DNAH6: variants seen among roughly 807,000 people sequenced by gnomAD.
DNAH6 encodes the protein axonemal beta dynein heavy chain 6.
Under a neutral mutation model 491.4 loss-of-function variants are expected in DNAH6, and 340 were observed. The observed-to-expected ratio is 0.69, with a 90% CI of 0.63 to 0.76. The LOEUF (loss-of-function observed/expected upper bound fraction) is 0.76. Among genes scored for constraint, DNAH6 ranks in the 30% least tolerant of loss-of-function variants. DNAH6 has a pLI of 0.00. For synonymous variants in DNAH6, 1,603 were observed against 1,686.1 expected, an observed-to-expected ratio of 0.95 and a Z score of 1.21; for missense variants, 4,443 against 4,972.2, an observed-to-expected ratio of 0.89 and a Z score of 3.20.
chr2:84,812,445 G>T lies in DNAH6; in HGVS notation c.11844G>T (p.Leu3948=), dbSNP rs1473774684. Residue 3948 remains leucine (L), a synonymous_variant, in exon 73 of 77, where the codon CTG becomes CTT. Coordinates refer to ENST00000389394, the MANE Select transcript of DNAH6 (RefSeq NM_001370.2). ...TCCTCAACAACCAGGTTCCCGCTCTGTGGTCCAACACAGCCTACCCATCCC... is the reference window on the plus strand; with the variant it reads ...TCCTCAACAACCAGGTTCCCGCTCTTTGGTCCAACACAGCCTACCCATCCC... The part of the protein sequence containing the change: ...NSFLNNQVPA[L]WSNTAYPSLK... The T allele has an allele frequency of 6.4e-7, 1 of 1,551,618 alleles. No homozygotes were observed. The highest frequency in any genetic ancestry group is 2.4e-5 in the East Asian group (1 of 40,942).
Position 84,709,352 on chromosome 2 carries a change from T to C in DNAH6, c.9058T>C (p.Cys3020Arg). Reference sequence around the variant, plus strand: ...TTTCCCCCTTCTACAGCTTATAGAGTGTTGGATCCAGGACTGTCAGTCTCT... The same window carrying C: ...TTTCCCCCTTCTACAGCTTATAGAGCGTTGGATCCAGGACTGTCAGTCTCT... Reference protein sequence around the residue: ...TAQYRQSLIECWIQDCQSLEI... With the variant: ...TAQYRQSLIERWIQDCQSLEI... Residue 3020 changes from cysteine to arginine, a missense_variant, in exon 55 of 77, where the codon TGT (cysteine) becomes CGT (arginine). By Grantham distance (180) the Cys-to-Arg change is radical (BLOSUM62 -3). Around this residue, in one of 3 missense-constraint regions of DNAH6, gnomAD observed 1,463 missense variants for 1,656.6 expected, o/e 0.88. Coordinates refer to ENST00000389394, the MANE Select transcript of DNAH6 (RefSeq NM_001370.2). The C allele has an allele frequency of 6.4e-7, 1 of 1,551,598 alleles. No homozygotes were observed. Among genetic ancestry groups the C allele is most frequent in the Non-Finnish European group, 8.7e-7 (1 of 1,146,982 alleles).
intron 4 of DNAH6, among the ~76,000 whole-genome samples, chr2:84,542,394 C>T (rs573467149): frequency 6.6e-6 from 1 of 152,252 alleles, no homozygotes; most frequent in South Asian, 2.1e-4. Flanking sequence ...AAATGTATTC[C>T]ATATTCCTCA....
At chr2:84,650,020 T>C (rs934064770) in intron 33 of DNAH6, among the ~76,000 whole-genome samples, 2 of 152,302 alleles carry the variant, frequency 1.3e-5, no homozygotes, top group South Asian at 2.1e-4. Context: ...TGTGTTTTTT[T>C]CCCTGTTCAT....
rs1392173000 is a variant in DNAH6 at position 84,704,309 on chromosome 2, A to G, written c.8465+7A>G. ...CCATTCTTTTGAATGCCAAGTGAGT[A>G]ATTCAGAGTCATGTATTGCCATGAT... On this transcript the variant is annotated splice_region_variant and intron_variant, in intron 51 of 76. Coordinates refer to ENST00000389394, the MANE Select transcript of DNAH6 (RefSeq NM_001370.2). 2.6e-6 allele frequency: 4 copies of G among 1,537,960 alleles called. No homozygotes were observed. Among genetic ancestry groups the G allele is most frequent in the Non-Finnish European group, 3.5e-6 (4 of 1,134,750 alleles).
In DNAH6 at chr2:84,619,556, A is replaced by G. The variant is rs866781268; in HGVS notation, c.3573-129A>G. 8.4e-5 allele frequency: 65 copies of G among 771,666 alleles called. No individual in the cohort carries two copies. The South Asian group carries it at 1.1e-3, about 13-fold the overall frequency. 47.8% of individuals were successfully genotyped at this position (771,666 alleles called of 1,614,324 possible). On this transcript the variant is annotated intron_variant, in intron 23 of 76. Coordinates refer to ENST00000389394, the MANE Select transcript of DNAH6 (RefSeq NM_001370.2). Reference sequence around the variant, plus strand: ...TATGTGGCTTCCCCAGAAACCCATGACCAGTATAATTGGAGGTCCAGGAAA... The same window carrying G: ...TATGTGGCTTCCCCAGAAACCCATGGCCAGTATAATTGGAGGTCCAGGAAA...
chr2:84,753,826 A>C (rs1339531409), intron 63 of DNAH6, among the ~76,000 whole-genome samples: 1 of 144,104 alleles, frequency 6.9e-6, no homozygotes, highest in Non-Finnish European at 1.5e-5. Context: ...ATTTTGAGTT[A>C]ATTTTTTTTT....
At position 84,524,211 on chromosome 2, in the gene DNAH6, T is replaced by C. The variant is rs1434567263; in HGVS notation, c.226-1354T>C. On this transcript the variant is annotated intron_variant, in intron 2 of 76. Coordinates refer to ENST00000389394, the MANE Select transcript of DNAH6 (RefSeq NM_001370.2). ...CCATTATGTAATGCCCTTTTTTGTC[T>C]TTTTTTTTTTTAATTTTTGCTGGTT... 6.4e-5 allele frequency among the ~76,000 whole-genome samples: 9 copies of C among 139,898 alleles called. No individual in the cohort carries two copies. The East Asian group carries it at 1.8e-3, about 28-fold the overall frequency. 91.8% of individuals were successfully genotyped at this position (139,898 alleles called of 152,430 possible). A position where few individuals can be genotyped will look rare whatever the true frequency, so the allele number is the denominator to read the frequency against.
intron 64 of DNAH6, chr2:84,777,951 C>T: frequency 2.0e-6 from 2 of 986,380 alleles, no homozygotes; most frequent in Non-Finnish European, 3.3e-6. Flanking sequence ...CCCTCTTGCT[C>T]ACATGCCCAA....
intron 14 of DNAH6, among the ~76,000 whole-genome samples, chr2:84,583,462 T>C (rs913878886): frequency 2.0e-5 from 3 of 152,262 alleles, no homozygotes; most frequent in African/African-American, 7.2e-5. Flanking sequence ...ACCTGTATTA[T>C]AGCAATGACT....
chr2:84,729,849 C>T (rs561615912), intron 61 of DNAH6, among the ~76,000 whole-genome samples: 8 of 152,158 alleles, frequency 5.3e-5, no homozygotes, highest in African/African-American at 9.6e-5. Flanking sequence ...CTATTTTTAT[C>T]GTAAGTACTA....
chr2:84,650,959 T>C (rs1164624972), intron 33 of DNAH6, among the ~76,000 whole-genome samples: 2 of 152,290 alleles, frequency 1.3e-5, no homozygotes, highest in African/African-American at 2.4e-5. Context: ...GAAATGCAAC[T>C]TTGTTACTGC....
At position 84,745,264 on chromosome 2, in the gene DNAH6, T is replaced by A. The variant is rs1190832600; in HGVS notation, c.10512+15T>A. 1.7e-5 allele frequency: 25 copies of A among 1,451,422 alleles called. No homozygotes were observed. Among genetic ancestry groups the A allele is most frequent in the Admixed American group, 2.7e-5 (1 of 36,774 alleles). The allele number at this position is 1,451,422 out of a possible 1,614,324, so 89.9% of individuals were successfully genotyped here. A position where few individuals can be genotyped will look rare whatever the true frequency, so the allele number is the denominator to read the frequency against. On this transcript the variant is annotated intron_variant, in intron 63 of 76. Transcript: ENST00000389394. ...AAGAAGAAAAGGTAGGGCATTTTTT[T>A]AATTAAAGGACTGTGTTACAATTAT...
chr2:84,528,807 C>T (rs1322802027), intron 3 of DNAH6, 97 bp from the exon 4 acceptor site: 7 of 1,198,666 alleles, frequency 5.8e-6, no homozygotes, highest in Non-Finnish European at 8.0e-6. Context: ...ACATCTCATG[C>T]AATATGGCAA....
the DNAH6 span, among the ~76,000 whole-genome samples, chr2:84,486,491 A>G: frequency 6.6e-6 from 1 of 152,146 alleles, no homozygotes; most frequent in Non-Finnish European, 1.5e-5. Context: ...GGACACCTGG[A>G]TACAGTTGGA....
chr2:84,710,477 A>G, intron 56 of DNAH6, 65 bp downstream of exon 56: 5 of 1,476,000 alleles, frequency 3.4e-6, no homozygotes, highest in Middle Eastern at 2.2e-4. Flanking sequence ...GGAATCCTAT[A>G]TAGGCCACAT....
chr2:84,587,339 T>C (rs1683660535), intron 15 of DNAH6, among the ~76,000 whole-genome samples: 1 of 152,188 alleles, frequency 6.6e-6, no homozygotes, highest in Admixed American at 6.6e-5. Context: ...CCAGATTTTC[T>C]TTATCCAATC....
At chr2:84,777,351 G>A (rs1676236366) in intron 64 of DNAH6, 4 of 361,692 alleles carry the variant, frequency 1.1e-5, no homozygotes. Flanking sequence ...ACCTTCACAA[G>A]ATCTGAGATT....
At chr2:84,659,522 CTAAA>C (rs1226307075) in intron 37 of DNAH6, among the ~76,000 whole-genome samples, 1 of 152,080 alleles carries the variant, frequency 6.6e-6, no homozygotes, top group African/African-American at 2.4e-5. Context: ...CTAAGATTGA[CTAAA>C]TAAGTAAATA....
the DNAH6 span, among the ~76,000 whole-genome samples, chr2:84,476,836 T>C: frequency 6.6e-6 from 1 of 152,220 alleles, no homozygotes; most frequent in Non-Finnish European, 1.5e-5. Flanking sequence ...TTGTAATAAT[T>C]GCCTTAGGAA....
Sources: allele counts gnomAD v4.1 joint callset (sites outside exome capture counted in the v4.1 genomes callset), GRCh38; gene constraint gnomAD v4.1.1; regional missense constraint gnomAD v4.1.1; transcripts MANE v1.5; gene names NCBI Gene and HGNC (gene_info 2026-07-23, HGNC 2026-07-21).